Variants in NCR3LG1 observed in about 807,000 individuals in gnomAD.
The protein encoded by NCR3LG1 is natural cytotoxicity triggering receptor 3 ligand 1.
Under a neutral mutation model 34.8 loss-of-function variants are expected in NCR3LG1, and 35 were observed. The ratio of observed to expected loss-of-function variants is 1.01; its 90% CI spans 0.77 to 1.33. The LOEUF is 1.33. NCR3LG1 is among the 40% of genes most tolerant of loss of function. The pLI is 0.00. For missense variants in NCR3LG1, 452 were observed against 423.3 expected (o/e 1.07, Z -0.60); for synonymous variants, 173 against 163.6 (o/e 1.06, Z -0.44).
At chr11:17,371,458 A>G (rs1189620618) in intron 4 of NCR3LG1, among the ~76,000 whole-genome samples, 1 of 152,168 alleles carries the variant, frequency 6.6e-6, no homozygotes, top group African/African-American at 2.4e-5. Flanking sequence ...CTACCCTGGG[A>G]AGACATATTT....
Position 17,372,020 on chromosome 11 carries a change from A to T in NCR3LG1, c.873A>T (p.Ser291=), listed in dbSNP as rs568368631. The part of the protein sequence containing the change: ...LIPWKKICNK[S]SSAYTPLKCI... Reference sequence around the variant, plus strand: ...TCTTTTTCTAGATATGTAACAAATCATCTTCAGCCTATACTCCTCTCAAGT... The same window carrying T: ...TCTTTTTCTAGATATGTAACAAATCTTCTTCAGCCTATACTCCTCTCAAGT... Residue 291 remains serine, a synonymous_variant, in exon 5 of 5, where the codon TCA becomes TCT. Coordinates refer to ENST00000338965, the MANE Select transcript of NCR3LG1 (RefSeq NM_001202439.3). 2.7e-4 allele frequency: 187 copies of T among 699,364 alleles called. 1 individual carries two copies. The highest frequency in any genetic ancestry group is 8.4e-4 in the Middle Eastern group (3 of 3,562). The allele number at this position is 699,364 out of a possible 1,614,324, so 43.3% of individuals were successfully genotyped here. A position where few individuals can be genotyped will look rare whatever the true frequency, so the allele number is the denominator to read the frequency against.
chr11:17,369,476 A>C (rs1953384069), intron 4 of NCR3LG1, among the ~76,000 whole-genome samples: 1 of 152,230 alleles, frequency 6.6e-6, no homozygotes, highest in African/African-American at 2.4e-5. Context: ...TTTATCCCTG[A>C]CTATGGCCCA....
At position 17,351,868 on chromosome 11, in the gene NCR3LG1, C is replaced by T. The variant is rs951994776; in HGVS notation, c.-102C>T. 2.1e-5 allele frequency: 19 copies of T among 917,936 alleles called. No homozygotes were observed. In the African/African-American group the frequency reaches 3.1e-4, roughly 15 times the overall value. 56.9% of individuals were successfully genotyped at this position (917,936 alleles called of 1,614,324 possible). ...CCGGCTGGAAATCCCGGCTGTGTCT[C>T]CGTCAACTCTTTACGCAACAGAGGT... On this transcript the variant is annotated 5_prime_UTR_variant, in exon 1 of 5. Transcript: ENST00000338965.
rs1180539283 is a variant in NCR3LG1, at chr11:17,374,215, C to G, written c.*1703C>G. The G allele has an allele frequency of 6.6e-6, 1 of 152,148 alleles. No individual in the cohort carries two copies. Among genetic ancestry groups the G allele is most frequent in the East Asian group, 1.9e-4 (1 of 5,196 alleles). The allele number at this position is 152,148 out of a possible 1,614,324, so 9.4% of individuals were successfully genotyped here. A position where few individuals can be genotyped will look rare whatever the true frequency, so the allele number is the denominator to read the frequency against. On this transcript the variant is annotated 3_prime_UTR_variant, in exon 5 of 5. Coordinates refer to ENST00000338965, the MANE Select transcript of NCR3LG1 (RefSeq NM_001202439.3). ...CCTATACTTTGCTAACTCAAATATC[C>G]AAGGGAACTAAATGGTTCACAGTTC...
chr11:17,366,957 G>A, intron 2 of NCR3LG1, 52 bp from the exon 3 acceptor site: 3 of 1,327,086 alleles, frequency 2.3e-6, no homozygotes, highest in Non-Finnish European at 3.1e-6. Context: ...AAGGTGTGGT[G>A]GGGATAAAAG....
chr11:17,368,207 T>C (rs1364628857), intron 3 of NCR3LG1, among the ~76,000 whole-genome samples: 3 of 152,200 alleles, frequency 2.0e-5, no homozygotes, highest in Admixed American at 2.0e-4. Context: ...CCAGGCACAC[T>C]GGATCCTTAA....
intron 3 of NCR3LG1, among the ~76,000 whole-genome samples, chr11:17,367,586 A>T (rs549617752): frequency 3.3e-5 from 5 of 152,274 alleles, no homozygotes; most frequent in Admixed American, 3.3e-4. Flanking sequence ...TGTAGTCATC[A>T]GGTGGAGCAG....
intron 1 of NCR3LG1, among the ~76,000 whole-genome samples, chr11:17,352,623 T>G (rs2139722698): frequency 6.6e-6 from 1 of 152,254 alleles, no homozygotes; most frequent in East Asian, 1.9e-4. Context: ...GGTGCCTCGG[T>G]ATTTGGCGCC....
At chr11:17,362,729 TTTCTTTCTTTCTTTC>T (rs1953289401) in intron 2 of NCR3LG1, among the ~76,000 whole-genome samples, 1 of 99,014 alleles carries the variant, frequency 1.0e-5, no homozygotes, top group African/African-American at 5.9e-5. Flanking sequence ...TCTTTCTTTC[TTTCTTTCTTTCTTTC>T]TTTCTTTCTT....
chr11:17,368,771 G>A (rs1591685532), intron 3 of NCR3LG1, 96 bp from the exon 4 acceptor site: 1 of 807,400 alleles, frequency 1.2e-6, no homozygotes, highest in East Asian at 2.7e-5. Flanking sequence ...CTGACAAGGA[G>A]GATGACACAA....
At chr11:17,366,865 A>T in intron 2 of NCR3LG1, 144 bp from the exon 3 acceptor site, 1 of 620,064 alleles carries the variant, frequency 1.6e-6, no homozygotes, top group South Asian at 2.0e-5. Flanking sequence ...TTTAAAGAGT[A>T]GGCATCCTGT....
chr11:17,356,384 G>A (rs184877879), intron 1 of NCR3LG1, among the ~76,000 whole-genome samples: 9 of 152,056 alleles, frequency 5.9e-5, no homozygotes, highest in Admixed American at 3.9e-4. Context: ...TGACCTGCCT[G>A]CCTGGGCCTC....
intron 3 of NCR3LG1, 66 bp from the exon 4 acceptor site, chr11:17,368,801 A>G: frequency 6.8e-6 from 7 of 1,026,216 alleles, no homozygotes; most frequent in Non-Finnish European, 1.0e-5. Flanking sequence ...TCCCAGCAGC[A>G]GTTGTGTGGT....
chr11:17,367,456 G>C, intron 3 of NCR3LG1, 109 bp downstream of exon 3: 1 of 980,312 alleles, frequency 1.0e-6, no homozygotes. Context: ...GGGAAACAGA[G>C]AAAGCTTGGA....
At chr11:17,366,903 C>T in intron 2 of NCR3LG1, 106 bp from the exon 3 acceptor site, 1 of 738,952 alleles carries the variant, frequency 1.4e-6, no homozygotes, top group Non-Finnish European at 2.2e-6. Context: ...GCTACAGGAG[C>T]AGTGATGCAT....
Position 17,367,348 on chromosome 11 carries a change from G to A in NCR3LG1, c.760+1G>A, listed in dbSNP as rs1215207985. On this transcript the variant is annotated splice_donor_variant, in intron 3 of 4. Transcript: ENST00000338965. LOFTEE classifies it high-confidence loss of function. ...ACTGCTGCTCGGCACAGTCTTTCTG[G>A]TAAGGGTCTTTCTGGACATTTCTTC... The A allele has an allele frequency of 2.0e-6, 3 of 1,529,646 alleles. No homozygotes were observed. The African/African-American group carries it at 4.1e-5, about 21-fold the overall frequency. 94.8% of individuals were successfully genotyped at this position (1,529,646 alleles called of 1,614,324 possible).
chr11:17,371,863 G>T, intron 4 of NCR3LG1, 143 bp from the exon 5 acceptor site: 1 of 601,306 alleles, frequency 1.7e-6, no homozygotes, highest in Middle Eastern at 4.4e-4. Context: ...TCCATGGGCA[G>T]CACCTATAAT....
At chr11:17,361,253 G>A (rs973975840) in intron 2 of NCR3LG1, among the ~76,000 whole-genome samples, 8 of 151,426 alleles carry the variant, frequency 5.3e-5, no homozygotes, top group Non-Finnish European at 1.2e-4. Context: ...GACTGGGATT[G>A]CATTGAATCT....
chr11:17,360,801 A>G (rs1270800735), intron 2 of NCR3LG1, among the ~76,000 whole-genome samples: 1 of 152,092 alleles, frequency 6.6e-6, no homozygotes, highest in Non-Finnish European at 1.5e-5. Context: ...CAGTGACACA[A>G]TCTTGGCTCA....
Sources: allele counts gnomAD v4.1 joint callset (sites outside exome capture counted in the v4.1 genomes callset), GRCh38; gene constraint gnomAD v4.1.1; transcripts MANE v1.5; gene names NCBI Gene and HGNC (gene_info 2026-07-23, HGNC 2026-07-21).